The following DCT variants were observed in gnomAD, a reference collection of about 807,000 sequenced individuals.
The protein encoded by DCT is L-dopachrome tautomerase.
A neutral mutation model predicts 53.0 loss-of-function variants in DCT; 47 were observed. The observed-to-expected ratio is 0.89, with a 90% CI of 0.70 to 1.13. The LOEUF is 1.13. Among genes scored for constraint, DCT ranks in the 50% most tolerant of loss-of-function variants. DCT has a pLI of 0.00. For missense variants in DCT, 669 were observed against 637.4 expected (o/e 1.05, Z -0.53); for synonymous variants, 244 against 237.0 (o/e 1.03, Z -0.27).
intron 6 of DCT, among the ~76,000 whole-genome samples, chr13:94,455,154 G>A (rs1382430553): frequency 6.6e-6 from 1 of 152,100 alleles, no homozygotes; most frequent in East Asian, 1.9e-4. Flanking sequence ...AAGGTGGGAG[G>A]ATTGCTTGAG....
At chr13:94,539,390 A>G in the DCT span, among the ~76,000 whole-genome samples, 1 of 152,352 alleles carries the variant, frequency 6.6e-6, no homozygotes, top group Admixed American at 6.5e-5. Flanking sequence ...TATGAAATAA[A>G]CAGGCATCTG....
intron 7 of DCT, among the ~76,000 whole-genome samples, chr13:94,442,554 T>C (rs138156335): frequency 2.6e-4 from 40 of 152,350 alleles, no homozygotes; most frequent in Non-Finnish European, 4.1e-4. Context: ...TGGAGCCATA[T>C]TGGGGCCTGG....
chr13:94,527,264 T>C, the DCT span, among the ~76,000 whole-genome samples: 1 of 152,204 alleles, frequency 6.6e-6, no homozygotes, highest in Non-Finnish European at 1.5e-5. Context: ...CTGACAGCTC[T>C]GAAGAGAGCA....
intron 1 of DCT, among the ~76,000 whole-genome samples, chr13:94,472,319 G>C (rs1176254721): frequency 1.3e-5 from 2 of 151,450 alleles, no homozygotes; most frequent in African/African-American, 2.4e-5. Flanking sequence ...AGTGTGTGAG[G>C]GCAGGGGGTT....
the DCT span, among the ~76,000 whole-genome samples, chr13:94,533,019 A>T: frequency 3.3e-5 from 5 of 152,026 alleles, no homozygotes; most frequent in Non-Finnish European, 5.9e-5. Flanking sequence ...TGTCCAAAGG[A>T]TGCTTATTAA....
chr13:94,505,893 C>A, the DCT span, among the ~76,000 whole-genome samples: 154 of 152,312 alleles, frequency 1.0e-3, no homozygotes, highest in Non-Finnish European at 1.7e-3. Flanking sequence ...GGAACCAAAT[C>A]TTGGAAACAT....
At chr13:94,544,968 T>A in the DCT span, among the ~76,000 whole-genome samples, 2 of 152,134 alleles carry the variant, frequency 1.3e-5, no homozygotes, top group African/African-American at 4.8e-5. Context: ...AAATGTTTAA[T>A]GATGATGGTG....
At chr13:94,493,732 C>T in the DCT span, among the ~76,000 whole-genome samples, 1 of 152,116 alleles carries the variant, frequency 6.6e-6, no homozygotes, top group Non-Finnish European at 1.5e-5. Context: ...TTGCCAGAGG[C>T]TTGTAGGGAG....
chr13:94,490,504 CAAAAAAAAAAAAAAA>C, the DCT span, among the ~76,000 whole-genome samples: 25 of 35,476 alleles, frequency 7.0e-4, no homozygotes, highest in African/African-American at 1.1e-3. Context: ...GACTCGGTCT[CAAAAAAAAAAAAAAA>C]AAAAAAAAAA....
chr13:94,453,023 A>T (rs1008429494), intron 6 of DCT, among the ~76,000 whole-genome samples: 1 of 152,156 alleles, frequency 6.6e-6, no homozygotes, highest in African/African-American at 2.4e-5. Context: ...TAAGATTTTA[A>T]GATGAAAAAA....
chr13:94,504,463 G>T, the DCT span, among the ~76,000 whole-genome samples: 1 of 152,126 alleles, frequency 6.6e-6, no homozygotes, highest in Non-Finnish European at 1.5e-5. Flanking sequence ...CACCTCCCAG[G>T]TTCCAGTGAT....
the DCT span, among the ~76,000 whole-genome samples, chr13:94,507,890 T>A: frequency 6.6e-6 from 1 of 152,186 alleles, no homozygotes; most frequent in Non-Finnish European, 1.5e-5. Context: ...AGAGTCTACA[T>A]GTTTTAGTCT....
At chr13:94,447,647 C>G (rs1446572383) in intron 6 of DCT, among the ~76,000 whole-genome samples, 1 of 152,202 alleles carries the variant, frequency 6.6e-6, no homozygotes, top group African/African-American at 2.4e-5. Context: ...AAAGAGGATA[C>G]TTTGACCTAT....
At chr13:94,535,794 T>C in the DCT span, among the ~76,000 whole-genome samples, 1 of 152,214 alleles carries the variant, frequency 6.6e-6, no homozygotes, top group African/African-American at 2.4e-5. Context: ...CTATGGCCAG[T>C]ACTGTGATTT....
chr13:94,443,550 G>A lies in DCT; in HGVS notation c.1267C>T (p.Pro423Ser), dbSNP rs1193903553. The A allele has an allele frequency of 1.2e-5, 19 of 1,613,718 alleles. No homozygotes were observed. The highest frequency in any genetic ancestry group is 1.7e-5 in the Admixed American group (1 of 59,986). ...PADAWPQELA[P>S]IGHNRMYNMV... ...TTGTACATCCGATTGTGACCAATAG[G>A]GGCCAGCTCCTGAGGCCAGGCATCT... Residue 423 changes from proline (P) to serine (S), a missense_variant, in exon 7 of 8, where the codon CCT becomes TCT. By Grantham distance (74) the Pro-to-Ser change is moderately conservative (BLOSUM62 -1). Coordinates refer to ENST00000377028, the MANE Select transcript of DCT (RefSeq NM_001922.5).
the DCT span, among the ~76,000 whole-genome samples, chr13:94,539,884 G>A: frequency 6.6e-6 from 1 of 152,088 alleles, no homozygotes; most frequent in East Asian, 1.9e-4. Flanking sequence ...TTAGATAAAA[G>A]CTTTACAATG....
the DCT span, among the ~76,000 whole-genome samples, chr13:94,507,645 C>T: frequency 5.9e-5 from 9 of 152,054 alleles, no homozygotes; most frequent in Middle Eastern, 3.4e-3. Context: ...GGACTATAAG[C>T]GCCCACCACC....
chr13:94,548,484 C>G, the DCT span, among the ~76,000 whole-genome samples: 1 of 152,056 alleles, frequency 6.6e-6, no homozygotes, highest in Admixed American at 6.5e-5. Flanking sequence ...ACTGACTATT[C>G]TATTTTCCTA....
chr13:94,481,399 T>C (rs1033081536), upstream of DCT, among the ~76,000 whole-genome samples: 1 of 152,218 alleles, frequency 6.6e-6, no homozygotes, highest in Non-Finnish European at 1.5e-5. Context: ...AAACCTTTAT[T>C]TTGGAGCTCA....
Sources: gnomAD v4.1 joint callset for allele counts (sites outside exome capture counted in the v4.1 genomes callset) on GRCh38, gnomAD v4.1.1 for gene constraint, MANE v1.5 for transcripts, NCBI Gene and HGNC (gene_info 2026-07-23, HGNC 2026-07-21) for gene names.